Variants in AGMO observed in about 807,000 individuals in gnomAD.
AGMO encodes the protein glyceryl-ether monooxygenase.
A neutral mutation model predicts 60.2 loss-of-function variants in AGMO; 75 were observed. That is an observed-to-expected ratio of 1.25 (90% CI 1.03 to 1.51). The LOEUF (loss-of-function observed/expected upper bound fraction) is 1.51, where lower values mean the gene tolerates loss of function less well. Among genes scored for constraint, AGMO ranks in the 40% most tolerant of loss-of-function variants. The probability of loss-of-function intolerance (pLI) is 0.00; values close to 1 mark genes in which losing one functional copy is unlikely to be tolerated. For synonymous variants in AGMO, 261 were observed against 177.1 expected (o/e 1.47, Z -3.76); for missense variants, 763 against 525.5 (o/e 1.45, Z -4.42).
chr7:15,153,744 A>T, the AGMO span, among the ~76,000 whole-genome samples: 1 of 152,130 alleles, frequency 6.6e-6, no homozygotes, highest in Non-Finnish European at 1.5e-5. Context: ...CTATGGCCTT[A>T]AAGTATAGTT....
At chr7:15,359,864 T>C (rs770879786) in intron 12 of AGMO, among the ~76,000 whole-genome samples, 5 of 152,230 alleles carry the variant, frequency 3.3e-5, no homozygotes, top group African/African-American at 7.2e-5. Flanking sequence ...ATTTGAATTA[T>C]AGAAAAATAC....
At chr7:15,528,054 C>T (rs1431688690) in intron 3 of AGMO, among the ~76,000 whole-genome samples, 1 of 152,156 alleles carries the variant, frequency 6.6e-6, no homozygotes, top group Non-Finnish European at 1.5e-5. Context: ...ATCCATTCTG[C>T]AGCATGTGGA....
chr7:15,340,195 T>A (rs4591918), intron 12 of AGMO, among the ~76,000 whole-genome samples: 67 of 152,314 alleles, frequency 4.4e-4, no homozygotes, highest in African/African-American at 1.5e-3. Flanking sequence ...GGTAATTTTA[T>A]TTTTCCTTGG....
At chr7:15,523,620 G>A (rs1435191227) in intron 3 of AGMO, among the ~76,000 whole-genome samples, 2 of 152,102 alleles carry the variant, frequency 1.3e-5, no homozygotes, top group African/African-American at 4.8e-5. Flanking sequence ...TTCATAAGTA[G>A]GAGTCGAACA....
chr7:15,525,519 C>T (rs928312443), intron 3 of AGMO, among the ~76,000 whole-genome samples: 3 of 152,078 alleles, frequency 2.0e-5, no homozygotes, highest in Non-Finnish European at 2.9e-5. Flanking sequence ...CGTAAAAGCC[C>T]CAGCTGAGAG....
At chr7:15,393,409 T>G (rs1476430892) in intron 6 of AGMO, among the ~76,000 whole-genome samples, 1 of 152,220 alleles carries the variant, frequency 6.6e-6, no homozygotes, top group East Asian at 1.9e-4. Flanking sequence ...GTAGCAATGG[T>G]TTGGGCATTT....
chr7:15,437,647 G>A (rs1315604130), intron 3 of AGMO, among the ~76,000 whole-genome samples: 3 of 147,336 alleles, frequency 2.0e-5, no homozygotes, highest in Non-Finnish European at 3.0e-5. Flanking sequence ...CCATTCTCCC[G>A]CCTCACCCTC....
chr7:15,325,209 A>G (rs1003960253), intron 12 of AGMO, among the ~76,000 whole-genome samples: 1 of 152,164 alleles, frequency 6.6e-6, no homozygotes, highest in African/African-American at 2.4e-5. Flanking sequence ...TTTAAATTAT[A>G]TATCCAAATT....
the AGMO span, among the ~76,000 whole-genome samples, chr7:15,174,543 ATG>A: frequency 2.6e-5 from 4 of 152,094 alleles, no homozygotes; most frequent in South Asian, 2.1e-4. Flanking sequence ...TGTAGACAAA[ATG>A]TGTACTTTAC....
At chr7:15,429,341 C>T (rs528456166) in intron 4 of AGMO, among the ~76,000 whole-genome samples, 1 of 152,008 alleles carries the variant, frequency 6.6e-6, no homozygotes, top group South Asian at 2.1e-4. Context: ...AGTCCCTAAA[C>T]CAATATGCCT....
At position 15,366,138 on chromosome 7, in the gene AGMO, G is replaced by A. The variant is rs1430553672; in HGVS notation, c.1157+2C>T. 20 of 1,600,790 alleles carry A rather than the reference G, an allele frequency of 1.2e-5. No homozygotes were observed. The highest frequency in any genetic ancestry group is 2.3e-5 in the East Asian group (1 of 44,152). On this transcript the variant is annotated splice_donor_variant, in intron 11 of 12. Transcript: ENST00000342526. LOFTEE classifies it low-confidence loss of function (GC_TO_GT_DONOR). Reference sequence around the variant, plus strand: ...AAACAATGCAAGAATTTCACTTCTTGCCTTTGATCCAGAAGAAATCCAATG... The same window carrying A: ...AAACAATGCAAGAATTTCACTTCTTACCTTTGATCCAGAAGAAATCCAATG...
At chr7:15,164,504 A>C in the AGMO span, among the ~76,000 whole-genome samples, 2 of 152,054 alleles carry the variant, frequency 1.3e-5, no homozygotes, top group African/African-American at 4.8e-5. Context: ...TCATATTCAG[A>C]ATCTATAAAT....
rs1563086810 is a variant in AGMO at position 15,322,694 on chromosome 7, G to GTATATATAAATATATA, written c.1263+42819_1263+42820insTATATATTTATATATA. 1.2e-4 allele frequency among the ~76,000 whole-genome samples: 8 copies of GTATATATAAATATATA among 67,856 alleles called. 1 individual carries two copies. Among genetic ancestry groups the GTATATATAAATATATA allele is most frequent in the African/African-American group, 5.7e-4 (7 of 12,386 alleles). 44.5% of individuals were successfully genotyped at this position (67,856 alleles called of 152,430 possible). ...TAAATATATGTATATATAAATATAT[G>GTATATATAAATATATA]AATATGTATAAATATATATAAATAT... On this transcript the variant is annotated intron_variant, in intron 12 of 12. Coordinates refer to ENST00000342526, the MANE Select transcript of AGMO (RefSeq NM_001004320.2).
At chr7:15,372,540 T>G (rs375327423) in intron 10 of AGMO, among the ~76,000 whole-genome samples, 1 of 152,194 alleles carries the variant, frequency 6.6e-6, no homozygotes, top group Non-Finnish European at 1.5e-5. Flanking sequence ...AAATATGAGT[T>G]TGAGTAACCA....
At chr7:15,202,367 T>C (rs963630189) in intron 12 of AGMO, among the ~76,000 whole-genome samples, 1 of 146,950 alleles carries the variant, frequency 6.8e-6, no homozygotes, top group African/African-American at 2.5e-5. Flanking sequence ...GGACAGCTGT[T>C]AACTCACAGA....
chr7:15,484,147 A>G (rs1244183753), intron 3 of AGMO, among the ~76,000 whole-genome samples: 3 of 152,148 alleles, frequency 2.0e-5, no homozygotes, highest in Non-Finnish European at 2.9e-5. Flanking sequence ...TATTTTCACA[A>G]AAAAGACATT....
At chr7:15,224,655 T>G (rs1782023103) in intron 12 of AGMO, among the ~76,000 whole-genome samples, 1 of 152,170 alleles carries the variant, frequency 6.6e-6, no homozygotes, top group South Asian at 2.1e-4. Flanking sequence ...CCCTCCCTTA[T>G]TGCCTCATGT....
rs1783961667 is a variant in AGMO, at chr7:15,387,454, T to A, written c.909A>T (p.Gly303=). The A allele has an allele frequency of 6.2e-7, 1 of 1,613,988 alleles. No individual in the cohort carries two copies. Among genetic ancestry groups the A allele is most frequent in the Non-Finnish European group, 8.5e-7 (1 of 1,179,944 alleles). Residue 303 remains glycine (G), a synonymous_variant, in exon 9 of 13, where the codon GGA becomes GGT. Coordinates refer to ENST00000342526, the MANE Select transcript of AGMO (RefSeq NM_001004320.2). ...CAAGTCTTGGTTTACCTGGACCCCA[T>A]CCCGGTCCCTTAAATATGACAGAAA... The part of the protein sequence containing the change: ...NKFSVIFKGP[G]WGPGKPRLGL...
At chr7:15,550,854 G>A (rs1447095946) in intron 2 of AGMO, among the ~76,000 whole-genome samples, 2 of 140,632 alleles carry the variant, frequency 1.4e-5, no homozygotes, top group Non-Finnish European at 3.1e-5. Context: ...GCCAGGCAGA[G>A]ACACAACCAA....
Sources: gnomAD v4.1 joint callset for allele counts (sites outside exome capture counted in the v4.1 genomes callset) on GRCh38, gnomAD v4.1.1 for gene constraint, MANE v1.5 for transcripts, NCBI Gene and HGNC (gene_info 2026-07-23, HGNC 2026-07-21) for gene names.